The following CSMD1 variants were observed in gnomAD, a reference collection of about 807,000 sequenced individuals.
CSMD1 encodes the protein CUB and Sushi multiple domains 1.
A neutral mutation model predicts 417.5 loss-of-function variants in CSMD1; 213 were observed. That is an observed-to-expected ratio of 0.51 (90% confidence interval 0.46 to 0.57). The LOEUF is 0.57. CSMD1 is among the 20% of genes least tolerant of loss of function. The pLI, the probability that CSMD1 is intolerant of heterozygous loss-of-function variation, is 0.00. For missense variants in CSMD1, 6,923 were observed against 4,529.7 expected (o/e 1.53, Z -15.17); for synonymous variants, 2,862 against 1,736.8 (o/e 1.65, Z -16.11).
chr8:3,952,001 T>C (rs768719300), intron 5 of CSMD1, among the ~76,000 whole-genome samples: 4 of 152,186 alleles, frequency 2.6e-5, no homozygotes, highest in Non-Finnish European at 4.4e-5. Flanking sequence ...TTGGAACAAC[T>C]TCACCATTTA....
At chr8:3,330,071 A>C (rs913401830) in intron 23 of CSMD1, among the ~76,000 whole-genome samples, 3 of 152,166 alleles carry the variant, frequency 2.0e-5, no homozygotes, top group African/African-American at 7.2e-5. Flanking sequence ...GTGTGGCCCC[A>C]TCCCTGGGTG....
chr8:4,857,171 G>A (rs538088429), intron 1 of CSMD1, among the ~76,000 whole-genome samples: 1 of 150,758 alleles, frequency 6.6e-6, no homozygotes, highest in Non-Finnish European at 1.5e-5. Flanking sequence ...TGACTACTGG[G>A]TACATAACGA....
intron 2 of CSMD1, among the ~76,000 whole-genome samples, chr8:4,453,136 C>G (rs1799248161): frequency 6.6e-6 from 1 of 151,950 alleles, no homozygotes; most frequent in Non-Finnish European, 1.5e-5. Flanking sequence ...ACATGTGTCA[C>G]CAATTTGAGG....
At chr8:4,294,954 C>T (rs1797578218) in intron 3 of CSMD1, among the ~76,000 whole-genome samples, 1 of 150,822 alleles carries the variant, frequency 6.6e-6, no homozygotes, top group African/African-American at 2.4e-5. Flanking sequence ...AGGTAAAGTG[C>T]CAAGGATATT....
intron 2 of CSMD1, among the ~76,000 whole-genome samples, chr8:4,628,368 G>C (rs994619045): frequency 2.0e-5 from 3 of 148,766 alleles, no homozygotes; most frequent in African/African-American, 4.9e-5. Flanking sequence ...ATGTATGTGT[G>C]TGTGTATATA....
At chr8:4,415,686 C>A (rs987316468) in intron 3 of CSMD1, among the ~76,000 whole-genome samples, 2 of 152,126 alleles carry the variant, frequency 1.3e-5, no homozygotes, top group African/African-American at 4.8e-5. Flanking sequence ...GGTAGAGGCC[C>A]CGTGAATGCT....
intron 7 of CSMD1, among the ~76,000 whole-genome samples, chr8:3,648,745 C>T (rs1426126583): frequency 6.6e-6 from 1 of 152,166 alleles, no homozygotes; most frequent in Non-Finnish European, 1.5e-5. Flanking sequence ...CATGTCTGTG[C>T]ACCTGAGACA....
intron 10 of CSMD1, among the ~76,000 whole-genome samples, chr8:3,531,447 T>G (rs1003719479): frequency 1.3e-5 from 2 of 152,110 alleles, no homozygotes; most frequent in African/African-American, 4.8e-5. Context: ...ACATCACCCC[T>G]CAAAAAATCA....
At chr8:3,812,256 T>C (rs1266968850) in intron 5 of CSMD1, among the ~76,000 whole-genome samples, 2 of 152,230 alleles carry the variant, frequency 1.3e-5, no homozygotes, top group South Asian at 2.1e-4. Flanking sequence ...ACAAAATAAA[T>C]AAAATAATAA....
chr8:4,065,637 G>T (rs1307082451), intron 3 of CSMD1, among the ~76,000 whole-genome samples: 1 of 152,088 alleles, frequency 6.6e-6, no homozygotes, highest in Non-Finnish European at 1.5e-5. Flanking sequence ...ATGCACCAAG[G>T]CCAGGCAATG....
chr8:4,341,932 G>T (rs1170711942), intron 3 of CSMD1, among the ~76,000 whole-genome samples: 1 of 152,070 alleles, frequency 6.6e-6, no homozygotes, highest in Non-Finnish European at 1.5e-5. Flanking sequence ...TTAGTACTAT[G>T]CTTTGTCCAA....
At chr8:2,990,471 G>C (rs1806281961) in intron 54 of CSMD1, among the ~76,000 whole-genome samples, 1 of 152,018 alleles carries the variant, frequency 6.6e-6, no homozygotes, top group Non-Finnish European at 1.5e-5. Context: ...ATTTTCCATA[G>C]CCCCTGACTT....
intron 1 of CSMD1, among the ~76,000 whole-genome samples, chr8:4,757,739 A>G (rs1280791693): frequency 6.6e-6 from 1 of 152,122 alleles, no homozygotes; most frequent in Non-Finnish European, 1.5e-5. Flanking sequence ...CAAGCAGATC[A>G]CTTGAGGCCA....
chr8:4,309,418 A>G (rs953545880), intron 3 of CSMD1, among the ~76,000 whole-genome samples: 1 of 152,062 alleles, frequency 6.6e-6, no homozygotes, highest in African/African-American at 2.4e-5. Flanking sequence ...ATTTGAAAGA[A>G]ATTAAATTCA....
intron 2 of CSMD1, among the ~76,000 whole-genome samples, chr8:4,553,607 T>C (rs1408828307): frequency 6.6e-6 from 1 of 152,194 alleles, no homozygotes; most frequent in East Asian, 1.9e-4. Context: ...TCTAGCACTT[T>C]AGAAACCAGC....
Position 3,308,324 on chromosome 8 carries a change from G to C in CSMD1, c.3811C>G (p.Pro1271Ala). The part of the protein sequence containing the change: ...GDRRVWDKPL[P>A]SCIAECGGQI... ...CTTCCACACTCACCTATGCACGAAG[G>C]TAGTGGTTTGTCCCACACTCTCCTG... Residue 1271 changes from proline to alanine, a missense_variant, in exon 24 of 70, where the codon CCT becomes GCT. Physicochemically the swap from Pro to Ala is conservative, Grantham distance 27. Transcript: ENST00000635120. 1 of 1,610,162 alleles carries C rather than the reference G, an allele frequency of 6.2e-7. No homozygotes were observed. Among genetic ancestry groups the C allele is most frequent in the Admixed American group, 1.7e-5 (1 of 59,948 alleles).
At chr8:3,974,963 A>G (rs1214179563) in intron 5 of CSMD1, among the ~76,000 whole-genome samples, 1 of 152,194 alleles carries the variant, frequency 6.6e-6, no homozygotes, top group Non-Finnish European at 1.5e-5. Context: ...ACCTGTTAAG[A>G]ATCCAGGATT....
chr8:4,206,168 G>A (rs1446408757), intron 3 of CSMD1, among the ~76,000 whole-genome samples: 3 of 152,052 alleles, frequency 2.0e-5, no homozygotes, highest in South Asian at 2.1e-4. Flanking sequence ...AGAATATATG[G>A]AAATACATGC....
intron 37 of CSMD1, among the ~76,000 whole-genome samples, chr8:3,165,709 G>A (rs1389258034): frequency 1.3e-5 from 2 of 152,034 alleles, no homozygotes; most frequent in East Asian, 1.9e-4. Context: ...CTGGGAGAAC[G>A]GTGGTTTTTT....
Sources: allele counts gnomAD v4.1 joint callset (sites outside exome capture counted in the v4.1 genomes callset), GRCh38; gene constraint gnomAD v4.1.1; transcripts MANE v1.5; gene names NCBI Gene and HGNC (gene_info 2026-07-23, HGNC 2026-07-21).